The following DHX32 variants were observed in gnomAD, a reference collection of about 807,000 sequenced individuals.
DHX32 encodes DEAH-box helicase 32 (putative), also known as putative pre-mRNA-splicing factor ATP-dependent RNA helicase DHX32.
In DHX32, 51 loss-of-function variants were observed where a neutral mutation model predicts 70.0. The observed-to-expected ratio is 0.73, with a 90% CI of 0.58 to 0.92. DHX32 has a LOEUF of 0.92. Among genes scored for constraint, DHX32 ranks in the 40% least tolerant of loss-of-function variants. The pLI is 0.00. For missense variants in DHX32, 762 were observed against 891.8 expected, an observed-to-expected ratio of 0.85 and a Z score of 1.85; for synonymous variants, 310 against 315.3, an observed-to-expected ratio of 0.98 and a Z score of 0.18.
chr10:125,845,036 C>G (rs1013056981), intron 6 of DHX32, among the ~76,000 whole-genome samples: 33 of 152,170 alleles, frequency 2.2e-4, no homozygotes, highest in African/African-American at 8.0e-4. Context: ...TCCTTGGCAT[C>G]AGTAGAAAAC....
At chr10:125,846,851 T>C (rs994068272) in intron 6 of DHX32, among the ~76,000 whole-genome samples, 1 of 152,182 alleles carries the variant, frequency 6.6e-6, no homozygotes, top group Non-Finnish European at 1.5e-5. Flanking sequence ...GGAGCTGACA[T>C]AGTAAATCAT....
intron 1 of DHX32, among the ~76,000 whole-genome samples, chr10:125,890,104 G>T (rs145875270): frequency 1.6e-3 from 228 of 144,364 alleles, no homozygotes; most frequent in East Asian, 5.7e-3. Flanking sequence ...GCATCACTGG[G>T]GGTTGAAGAA....
chr10:125,894,355 C>T (rs1182393935), intron 1 of DHX32, among the ~76,000 whole-genome samples: 2 of 152,154 alleles, frequency 1.3e-5, no homozygotes, highest in Non-Finnish European at 2.9e-5. Context: ...GTACATTGCA[C>T]AAGGTGATAG....
chr10:125,880,615 G>T lies in DHX32; in HGVS notation c.210C>A (p.Ser70=). The T allele has an allele frequency of 6.2e-7, 1 of 1,614,040 alleles. No homozygotes were observed. Among genetic ancestry groups the T allele is most frequent in the Non-Finnish European group, 8.5e-7 (1 of 1,179,988 alleles). Residue 70 remains serine (S), a synonymous_variant, in exon 1 of 11, where the codon TCC becomes TCA. Coordinates refer to ENST00000284690, the MANE Select transcript of DHX32 (RefSeq NM_018180.3). ...GATTTTGAAGCAGGTTCTCCATAAA[G>T]GAGTATTTTTCTTTCCATATAGGAA... is the stretch of plus-strand genomic sequence containing the variant. The part of the protein sequence containing the change: ...EDLPIWKEKY[S]FMENLLQNQI...
At chr10:125,840,724 G>T in intron 8 of DHX32, 123 bp downstream of exon 8, 1 of 1,102,736 alleles carries the variant, frequency 9.1e-7, no homozygotes, top group Non-Finnish European at 1.3e-6. Context: ...GGCCTCAAGT[G>T]CCATTGCATT....
Position 125,840,877 on chromosome 10 carries a change from G to C in DHX32, c.1663C>G (p.Gln555Glu). Residue 555 changes from glutamine (Q) to glutamate (E), a missense_variant, in exon 8 of 11, where the codon CAA becomes GAA. Gln to Glu is a conservative substitution (Grantham distance 29). Coordinates refer to ENST00000284690, the MANE Select transcript of DHX32 (RefSeq NM_018180.3). ...FTLISIYKAY[Q>E]DTTLNSSSEY... ...CTGCTAGAATTCAGAGTTGTGTCTT[G>C]GTAAGCCTTGTAAATGCTGATGAGG... 1.9e-6 allele frequency: 3 copies of C among 1,604,738 alleles called. No homozygotes were observed. Among genetic ancestry groups the C allele is most frequent in the Non-Finnish European group, 2.6e-6 (3 of 1,173,754 alleles).
At chr10:125,857,099 A>T (rs971373881) in intron 3 of DHX32, among the ~76,000 whole-genome samples, 8 of 152,246 alleles carry the variant, frequency 5.3e-5, no homozygotes, top group South Asian at 2.1e-4. Context: ...CATGGGGGGA[A>T]ATGATCAATA....
At chr10:125,893,779 CAACAAAAACAA>C (rs1381402334) in intron 1 of DHX32, among the ~76,000 whole-genome samples, 24 of 152,368 alleles carry the variant, frequency 1.6e-4, no homozygotes, top group African/African-American at 5.8e-4. Flanking sequence ...ACCCTAAAAC[CAACAAAAACAA>C]AAATGAAAAC....
At chr10:125,844,190 C>T (rs1182668690) in intron 6 of DHX32, among the ~76,000 whole-genome samples, 2 of 152,128 alleles carry the variant, frequency 1.3e-5, no homozygotes, top group African/African-American at 4.8e-5. Flanking sequence ...AAGTAACAGC[C>T]GATCTGCTGG....
At position 125,838,313 on chromosome 10, in the gene DHX32, CAG is replaced by C. The variant is rs756734047; in HGVS notation, c.1954_1955del (p.Leu652ValfsTer17). ...TCTTCTTGGTGATTGAGTAACCAGA[CAG>C]GGGATGCAGCTGAGCAACCTGCTTA... is the stretch of plus-strand genomic sequence containing the variant. The part of the protein sequence containing the change: ...THKQVAQLHP[L>X]SGYSITKKMP... On this transcript the variant is annotated frameshift_variant, in exon 10 of 11. Transcript: ENST00000284690. LOFTEE classifies it high-confidence loss of function. 43 of 1,613,714 alleles carry C rather than the reference CAG, an allele frequency of 2.7e-5. No individual in the cohort carries two copies. The highest frequency in any genetic ancestry group is 3.3e-5 in the South Asian group (3 of 91,000).
chr10:125,892,940 A>G (rs1944380205), intron 1 of DHX32, among the ~76,000 whole-genome samples: 1 of 152,174 alleles, frequency 6.6e-6, no homozygotes, highest in African/African-American at 2.4e-5. Flanking sequence ...TGACCTCTCT[A>G]TTATTACCCT....
intron 6 of DHX32, chr10:125,842,743 G>C: frequency 1.2e-6 from 1 of 826,832 alleles, no homozygotes; most frequent in Non-Finnish European, 1.5e-6. Flanking sequence ...GATCTCAGAT[G>C]CTAGAAATAG....
chr10:125,880,968 G>T lies in DHX32; in HGVS notation c.-144C>A. The T allele has an allele frequency of 1.0e-6, 1 of 1,004,338 alleles. No homozygotes were observed. The highest frequency in any genetic ancestry group is 1.4e-6 in the Non-Finnish European group (1 of 695,600). 62.2% of individuals were successfully genotyped at this position (1,004,338 alleles called of 1,614,324 possible). ...AGACTTCAGTTCAAGGTTTTAGCAA[G>T]TTAAATTCCTCAAACCTGCATCTGT... is the stretch of plus-strand genomic sequence containing the variant. On this transcript the variant is annotated 5_prime_UTR_variant, in exon 1 of 11. Coordinates refer to ENST00000284690, the MANE Select transcript of DHX32 (RefSeq NM_018180.3).
intron 1 of DHX32, among the ~76,000 whole-genome samples, chr10:125,867,577 A>G (rs1057332607): frequency 3.3e-5 from 5 of 152,154 alleles, no homozygotes; most frequent in Non-Finnish European, 4.4e-5. Flanking sequence ...TCTACTTAAA[A>G]TACAAAAAAT....
At chr10:125,860,552 A>G (rs2134054447) in intron 2 of DHX32, among the ~76,000 whole-genome samples, 1 of 152,262 alleles carries the variant, frequency 6.6e-6, no homozygotes, top group Middle Eastern at 3.4e-3. Flanking sequence ...GTAACCACCT[A>G]TTTAAGGGCA....
At position 125,843,864 on chromosome 10, in the gene DHX32, G is replaced by A. The variant is rs184609096; in HGVS notation, c.1352-1930C>T. Among the ~76,000 whole-genome samples the A allele has an allele frequency of 4.8e-4, 73 of 152,338 alleles. 1 individual carries two copies. In the East Asian group the frequency reaches 0.014, roughly 28 times the overall value. ...GAGGGGGCAGTGCCAAACCACCCAA[G>A]GGAAATCTGCAGGGAACCCAGACAT... On this transcript the variant is annotated intron_variant, in intron 6 of 10. Transcript: ENST00000284690.
Position 125,841,899 on chromosome 10 carries a change from C to A in DHX32, c.1387G>T (p.Asp463Tyr), listed in dbSNP as rs1052814050. ...ESLMQALEDL[D>Y]YLAALDNDGN... ...TCATTATCCAGTGCTGCCAGATAAT[C>A]TAAGTCTTCCAATGCCTGCATCAAA... Residue 463 changes from aspartate (D) to tyrosine (Y), a missense_variant, in exon 7 of 11, where the codon GAT becomes TAT. By Grantham distance (160) the Asp-to-Tyr change is radical. This residue lies in a region of DHX32 where 366 missense variants were observed against 402.6 expected (regional missense o/e 0.91). Transcript: ENST00000284690. 10 of 1,606,586 alleles carry A rather than the reference C, an allele frequency of 6.2e-6. No individual in the cohort carries two copies. Among genetic ancestry groups the A allele is most frequent in the Admixed American group, 3.4e-5 (2 of 58,360 alleles).
chr10:125,838,324 G>A lies in DHX32; in HGVS notation c.1945C>T (p.Leu649=). ...LMLTHKQVAQ[L]HPLSGYSITK... ...ATTGAGTAACCAGACAGGGGATGCA[G>A]CTGAGCAACCTGCTTATGTGTCAGC... Residue 649 remains leucine (L), a synonymous_variant, in exon 10 of 11, where the codon CTG becomes TTG. Coordinates refer to ENST00000284690, the MANE Select transcript of DHX32 (RefSeq NM_018180.3). The A allele has an allele frequency of 1.9e-6, 3 of 1,613,824 alleles. No individual in the cohort carries two copies. Among genetic ancestry groups the A allele is most frequent in the Non-Finnish European group, 2.5e-6 (3 of 1,179,956 alleles).
intron 1 of DHX32, among the ~76,000 whole-genome samples, chr10:125,878,314 C>T (rs907956756): frequency 6.6e-6 from 1 of 152,170 alleles, no homozygotes; most frequent in Non-Finnish European, 1.5e-5. Context: ...AAGGGCATCT[C>T]CCTCTCTGCA....
Sources: gnomAD v4.1 joint callset for allele counts (sites outside exome capture counted in the v4.1 genomes callset) on GRCh38, gnomAD v4.1.1 for gene constraint, gnomAD v4.1.1 regional missense constraint, MANE v1.5 for transcripts, NCBI Gene and HGNC (gene_info 2026-07-23, HGNC 2026-07-21) for gene names.